Variants in SIPA1L2 observed in about 807,000 individuals in gnomAD.
The protein encoded by SIPA1L2 is signal-induced proliferation-associated 1-like protein 2.
Under a neutral mutation model 163.9 loss-of-function variants are expected in SIPA1L2, and 56 were observed. The ratio of observed to expected loss-of-function variants is 0.34; its 90% CI spans 0.28 to 0.43. SIPA1L2 has a LOEUF of 0.43. SIPA1L2 is among the 20% of genes least tolerant of loss of function. The probability of loss-of-function intolerance (pLI) is 1.00; values close to 1 mark genes in which losing one functional copy is unlikely to be tolerated. For missense variants in SIPA1L2, 1,974 were observed against 2,193.5 expected (o/e 0.90, Z 2.00); for synonymous variants, 877 against 865.7 (o/e 1.01, Z -0.23).
At chr1:232,445,456 C>T in intron 11 of SIPA1L2, 73 bp downstream of exon 11, 13 of 1,595,392 alleles carry the variant, frequency 8.1e-6, no homozygotes, top group Non-Finnish European at 1.0e-5. Flanking sequence ...TAAGCAAAAC[C>T]CTCCCTACAA....
rs150161276 is a variant in SIPA1L2, at chr1:232,445,755, C to T, written c.3127G>A (p.Val1043Met). The T allele has an allele frequency of 5.0e-4, 806 of 1,613,572 alleles. 3 individuals carry two copies. In the East Asian group the frequency reaches 0.012, roughly 25 times the overall value. The change falls in exon 11 of 23, where the codon GTG becomes ATG. Residue 1043 changes from valine (V) to methionine (M), a missense_variant. This residue lies in a region of SIPA1L2 where 1,079 missense variants were observed against 1,150.7 expected (regional missense o/e 0.94). Coordinates refer to ENST00000674635, the MANE Select transcript of SIPA1L2 (RefSeq NM_020808.5). ...CCCTCGCTGTCGAGTTTATATTCCA[C>T]CATAGGGATCCGGCAGAGCTCTGAA... ...GCSELCRIPM[V>M]EYKLDSEGTP...
chr1:232,552,829 C>G (rs948065871), intron 2 of SIPA1L2, among the ~76,000 whole-genome samples: 2 of 152,230 alleles, frequency 1.3e-5, no homozygotes, highest in East Asian at 3.9e-4. Flanking sequence ...ACTTCCCTGA[C>G]CCCCTTCACT....
intron 1 of SIPA1L2, among the ~76,000 whole-genome samples, chr1:232,578,149 T>A (rs1347925797): frequency 1.3e-5 from 2 of 152,192 alleles, no homozygotes; most frequent in Non-Finnish European, 2.9e-5. Flanking sequence ...ATCATTTGCA[T>A]TTTTTAGCAA....
At chr1:232,475,024 T>C (rs1212008497) in intron 7 of SIPA1L2, among the ~76,000 whole-genome samples, 4 of 152,182 alleles carry the variant, frequency 2.6e-5, no homozygotes, top group African/African-American at 9.7e-5. Flanking sequence ...CAGAAGCTCA[T>C]AAGAGTCAGA....
intron 19 of SIPA1L2, among the ~76,000 whole-genome samples, chr1:232,408,421 A>T (rs1450906842): frequency 6.6e-6 from 1 of 152,000 alleles, no homozygotes; most frequent in Non-Finnish European, 1.5e-5. Context: ...AATTCTCAGG[A>T]ATTAGATTTC....
intron 2 of SIPA1L2, among the ~76,000 whole-genome samples, chr1:232,560,919 C>T (rs531801084): frequency 1.7e-3 from 257 of 152,324 alleles, no homozygotes; most frequent in African/African-American, 5.7e-3. Context: ...AAAAACACTA[C>T]AGTATCCTGA....
chr1:232,454,369 C>T (rs1189216814), intron 10 of SIPA1L2, among the ~76,000 whole-genome samples: 1 of 152,170 alleles, frequency 6.6e-6, no homozygotes, highest in African/African-American at 2.4e-5. Context: ...CCTTTTCCTC[C>T]CTTACTAGAA....
intron 10 of SIPA1L2, among the ~76,000 whole-genome samples, chr1:232,447,804 G>C (rs533039597): frequency 6.6e-6 from 1 of 152,250 alleles, no homozygotes; most frequent in Admixed American, 6.5e-5. Flanking sequence ...ATGCATATGT[G>C]GAATCAAGAG....
chr1:232,589,425 G>C (rs773222710), intron 1 of SIPA1L2, among the ~76,000 whole-genome samples: 1 of 152,148 alleles, frequency 6.6e-6, no homozygotes, highest in Non-Finnish European at 1.5e-5. Context: ...GCCACCATTG[G>C]CTGAGAGGCT....
chr1:232,546,038 G>C (rs1032371384), intron 2 of SIPA1L2, among the ~76,000 whole-genome samples: 3 of 152,182 alleles, frequency 2.0e-5, no homozygotes, highest in African/African-American at 7.2e-5. Flanking sequence ...CATTGTGTTA[G>C]GAATGTGCAG....
At chr1:232,512,975 C>T (rs908667292) in intron 3 of SIPA1L2, among the ~76,000 whole-genome samples, 8 of 152,058 alleles carry the variant, frequency 5.3e-5, no homozygotes, top group Non-Finnish European at 1.0e-4. Flanking sequence ...AGAGGGCTGA[C>T]GGGTGAAACT....
rs377318962 is a variant in SIPA1L2 at position 232,449,937 on chromosome 1, T to A, written c.3096-4151A>T. On this transcript the variant is annotated intron_variant, in intron 10 of 22. Transcript: ENST00000674635. ...TGAAAGTGATTTCTAACTTGTCAAA[T>A]CCATAGTACTTGGAGCTTGGGACAG... 9.2e-5 allele frequency among the ~76,000 whole-genome samples: 14 copies of A among 152,224 alleles called. No individual in the cohort carries two copies. The East Asian group carries it at 1.4e-3, about 15-fold the overall frequency.
intron 10 of SIPA1L2, among the ~76,000 whole-genome samples, chr1:232,453,967 C>T (rs935805616): frequency 1.3e-5 from 2 of 152,044 alleles, no homozygotes; most frequent in African/African-American, 4.8e-5. Context: ...GTCTGTTATG[C>T]TAATAGCTTG....
Position 232,443,664 on chromosome 1 carries a change from T to C in SIPA1L2, c.3375A>G (p.Ser1125=), listed in dbSNP as rs1448505877. 2.5e-6 allele frequency: 4 copies of C among 1,608,996 alleles called. No individual in the cohort carries two copies. The highest frequency in any genetic ancestry group is 1.1e-5 in the South Asian group (1 of 89,934). The part of the protein sequence containing the change: ...DGTRSSPSNQ[S]SSSDPGPGGS... ...CGCCGGGTCCAGGGTCGCTGGAGGA[T>C]GACTGGTTGCTGGGTGAGCTTCTGA... The change falls in exon 12 of 23, where the codon TCA becomes TCG. Residue 1125 remains serine, a synonymous_variant. Transcript: ENST00000674635.
chr1:232,403,722 T>G lies in SIPA1L2; in HGVS notation c.4817-151A>C, dbSNP rs1660482032. 8 of 1,070,742 alleles carry G rather than the reference T, an allele frequency of 7.5e-6. No individual in the cohort carries two copies. The East Asian group carries it at 1.1e-4, about 14-fold the overall frequency. The allele number at this position is 1,070,742 out of a possible 1,614,324, so 66.3% of individuals were successfully genotyped here. On this transcript the variant is annotated intron_variant, in intron 20 of 22. Coordinates refer to ENST00000674635, the MANE Select transcript of SIPA1L2 (RefSeq NM_020808.5). Reference sequence around the variant, plus strand: ...TGGAGCAAAACAAAGAAAAACAAATTCAGGCAAGCTTCTGAGAAGGAGAAA... The same window carrying G: ...TGGAGCAAAACAAAGAAAAACAAATGCAGGCAAGCTTCTGAGAAGGAGAAA...
intron 1 of SIPA1L2, among the ~76,000 whole-genome samples, chr1:232,614,666 C>A (rs901158435): frequency 6.6e-6 from 1 of 152,168 alleles, no homozygotes; most frequent in African/African-American, 2.4e-5. Flanking sequence ...ATATGCATAG[C>A]CCATCTATAA....
intron 1 of SIPA1L2, among the ~76,000 whole-genome samples, chr1:232,592,015 CT>C (rs1024644217): frequency 1.3e-5 from 2 of 152,208 alleles, no homozygotes; most frequent in South Asian, 2.1e-4. Flanking sequence ...CCTTATGTCC[CT>C]TTTTTTCCCA....
In SIPA1L2 at chr1:232,514,350, T is replaced by C. The variant is rs758061538; in HGVS notation, c.990A>G (p.Ala330=). 3.7e-6 allele frequency: 6 copies of C among 1,613,352 alleles called. No individual in the cohort carries two copies. In the South Asian group the frequency reaches 6.6e-5, roughly 18 times the overall value. The change falls in exon 3 of 23, where the codon GCA becomes GCG. Residue 330 remains alanine (A), a synonymous_variant. Coordinates refer to ENST00000674635, the MANE Select transcript of SIPA1L2 (RefSeq NM_020808.5). The part of the protein sequence containing the change: ...IRPWNCQRCF[A]HYDVQSILFN... ...ACAAAATGCTCTGGACATCATAATG[T>C]GCAAAACATCGCTGACAATTCCAAG...
At chr1:232,468,580 T>C (rs1416958084) in intron 8 of SIPA1L2, among the ~76,000 whole-genome samples, 3 of 152,230 alleles carry the variant, frequency 2.0e-5, no homozygotes, top group African/African-American at 7.2e-5. Context: ...GTAAAGCTTT[T>C]ATTACCCAAA....
Sources: allele counts gnomAD v4.1 joint callset (sites outside exome capture counted in the v4.1 genomes callset), GRCh38; gene constraint gnomAD v4.1.1; regional missense constraint gnomAD v4.1.1; transcripts MANE v1.5; gene names NCBI Gene and HGNC (gene_info 2026-07-23, HGNC 2026-07-21).